KCNIP4: variants seen among roughly 807,000 people sequenced by gnomAD.
KCNIP4 encodes the protein potassium voltage-gated channel interacting protein 4.
KCNIP4 carries 12 observed loss-of-function variants against 34.0 expected under a neutral mutation model. The ratio of observed to expected loss-of-function variants is 0.35; its 90% CI spans 0.23 to 0.57. The LOEUF is 0.57. KCNIP4 is among the 20% of genes least tolerant of loss of function. KCNIP4 has a pLI of 0.83. For missense variants in KCNIP4, 238 were observed against 311.7 expected, an observed-to-expected ratio of 0.76 and a Z score of 1.78; for synonymous variants, 124 against 102.2, an observed-to-expected ratio of 1.21 and a Z score of -1.29.
At chr4:21,356,117 A>G (rs1271862566) in intron 1 of KCNIP4, among the ~76,000 whole-genome samples, 1 of 152,190 alleles carries the variant, frequency 6.6e-6, no homozygotes, top group East Asian at 1.9e-4. Flanking sequence ...ACAAAATTCA[A>G]CAGCCCTTCA....
At chr4:21,438,945 G>A (rs1325084653) in intron 1 of KCNIP4, among the ~76,000 whole-genome samples, 1 of 152,014 alleles carries the variant, frequency 6.6e-6, no homozygotes, top group African/African-American at 2.4e-5. Context: ...GGCAGATCAC[G>A]AGGTCAGGAG....
intron 1 of KCNIP4, among the ~76,000 whole-genome samples, chr4:21,315,115 T>C (rs771005633): frequency 2.0e-5 from 3 of 152,170 alleles, no homozygotes; most frequent in Non-Finnish European, 2.9e-5. Context: ...ACATTACCTA[T>C]ACAACACAGA....
intron 1 of KCNIP4, among the ~76,000 whole-genome samples, chr4:21,945,840 T>C (rs1053667078): frequency 6.6e-6 from 1 of 151,656 alleles, no homozygotes; most frequent in Admixed American, 6.6e-5. Context: ...AAATGTATTT[T>C]GGTCAGGCTT....
chr4:21,948,437 C>T, intron 1 of KCNIP4, 134 bp downstream of exon 1: 1 of 966,478 alleles, frequency 1.0e-6, no homozygotes, highest in Non-Finnish European at 1.5e-6. Flanking sequence ...CTTCCCAGTC[C>T]CGCCAGGTGA....
At chr4:20,956,748 G>C (rs1373158783) in intron 1 of KCNIP4, among the ~76,000 whole-genome samples, 1 of 152,072 alleles carries the variant, frequency 6.6e-6, no homozygotes, top group African/African-American at 2.4e-5. Flanking sequence ...TAACAGCCAA[G>C]GCAAGAAGTA....
At chr4:21,590,700 T>C (rs562004141) in intron 1 of KCNIP4, among the ~76,000 whole-genome samples, 2 of 152,170 alleles carry the variant, frequency 1.3e-5, no homozygotes, top group South Asian at 4.1e-4. Context: ...GTTTAATATG[T>C]GATCCCAATG....
intron 1 of KCNIP4, among the ~76,000 whole-genome samples, chr4:21,489,479 A>G (rs1374261312): frequency 1.3e-5 from 2 of 152,148 alleles, no homozygotes; most frequent in African/African-American, 4.8e-5. Flanking sequence ...CCTATGATGA[A>G]AATAAATTAC....
intron 1 of KCNIP4, among the ~76,000 whole-genome samples, chr4:21,720,598 T>G (rs1339640204): frequency 2.0e-5 from 3 of 151,436 alleles, no homozygotes; most frequent in Non-Finnish European, 2.9e-5. Flanking sequence ...TTGTTACATA[T>G]GTATACATGT....
At chr4:21,880,246 T>TA (rs1270243372) in intron 1 of KCNIP4, among the ~76,000 whole-genome samples, 1 of 152,206 alleles carries the variant, frequency 6.6e-6, no homozygotes, top group Non-Finnish European at 1.5e-5. Context: ...TTTTATTATT[T>TA]AAAAATAGCC....
chr4:21,014,718 A>G (rs1377230083), intron 1 of KCNIP4, among the ~76,000 whole-genome samples: 1 of 152,204 alleles, frequency 6.6e-6, no homozygotes. Context: ...AGGGCCTCAA[A>G]CAGTTAAACG....
At chr4:21,033,272 C>T (rs1371586475) in intron 1 of KCNIP4, among the ~76,000 whole-genome samples, 1 of 152,118 alleles carries the variant, frequency 6.6e-6, no homozygotes, top group Non-Finnish European at 1.5e-5. Context: ...AGTATGAACT[C>T]TTTTTATCCT....
chr4:21,723,796 T>C (rs1320369202), intron 1 of KCNIP4, among the ~76,000 whole-genome samples: 1 of 152,114 alleles, frequency 6.6e-6, no homozygotes, highest in Non-Finnish European at 1.5e-5. Flanking sequence ...CTGGTTGTGA[T>C]CTATTTAATA....
chr4:20,737,849 A>T (rs1238539311), intron 5 of KCNIP4, among the ~76,000 whole-genome samples: 1 of 152,254 alleles, frequency 6.6e-6, no homozygotes, highest in Non-Finnish European at 1.5e-5. Flanking sequence ...CACAACCAGC[A>T]GGCTGGGGAT....
intron 1 of KCNIP4, among the ~76,000 whole-genome samples, chr4:21,498,152 T>C (rs1174722711): frequency 6.6e-6 from 1 of 152,220 alleles, no homozygotes; most frequent in Non-Finnish European, 1.5e-5. Context: ...CGAATATTGT[T>C]TATCTATGGA....
intron 1 of KCNIP4, among the ~76,000 whole-genome samples, chr4:21,938,615 C>T (rs1730023069): frequency 3.9e-5 from 6 of 152,014 alleles, no homozygotes; most frequent in Admixed American, 3.9e-4. Flanking sequence ...AATAACAAAC[C>T]ATGTGATTAT....
At chr4:21,882,933 G>A (rs1351154861) in intron 1 of KCNIP4, among the ~76,000 whole-genome samples, 1 of 152,030 alleles carries the variant, frequency 6.6e-6, no homozygotes, top group Non-Finnish European at 1.5e-5. Context: ...TCAACAGAAT[G>A]TTTTAATACC....
chr4:21,132,032 G>C (rs1751109529), intron 1 of KCNIP4, among the ~76,000 whole-genome samples: 1 of 152,158 alleles, frequency 6.6e-6, no homozygotes, highest in South Asian at 2.1e-4. Context: ...TGGAGATTGT[G>C]TGTGAAAGAT....
chr4:21,816,610 C>T (rs1722004095), intron 1 of KCNIP4, among the ~76,000 whole-genome samples: 1 of 152,116 alleles, frequency 6.6e-6, no homozygotes, highest in African/African-American at 2.4e-5. Context: ...CTCCCATTAA[C>T]CCTTAAACTG....
At chr4:20,931,922 G>A (rs928634340) in intron 1 of KCNIP4, among the ~76,000 whole-genome samples, 4 of 143,286 alleles carry the variant, frequency 2.8e-5, no homozygotes, top group African/African-American at 7.8e-5. Context: ...GTCTATAACA[G>A]TCTAATATTG....
Sources: allele counts gnomAD v4.1 joint callset (sites outside exome capture counted in the v4.1 genomes callset), GRCh38; gene constraint gnomAD v4.1.1; transcripts MANE v1.5; gene names NCBI Gene and HGNC (gene_info 2026-07-23, HGNC 2026-07-21).